The following MAGI1 variants were observed in gnomAD, a reference collection of about 807,000 sequenced individuals.
The protein encoded by MAGI1 is membrane-associated guanylate kinase, WW and PDZ domain-containing protein 1.
MAGI1 carries 58 observed loss-of-function variants against 139.9 expected under a neutral mutation model. The ratio of observed to expected loss-of-function variants is 0.41; its 90% confidence interval spans 0.34 to 0.52. MAGI1 has a LOEUF of 0.52. Among genes scored for constraint, MAGI1 ranks in the 20% least tolerant of loss-of-function variants. The probability of loss-of-function intolerance (pLI) is 0.12; values close to 1 mark genes in which losing one functional copy is unlikely to be tolerated. For missense variants in MAGI1, 1,874 were observed against 1,901.6 expected, an observed-to-expected ratio of 0.99 and a Z score of 0.27; for synonymous variants, 812 against 737.9, an observed-to-expected ratio of 1.10 and a Z score of -1.63.
chr3:65,516,216 T>C (rs2077869069), intron 2 of MAGI1, among the ~76,000 whole-genome samples: 1 of 152,040 alleles, frequency 6.6e-6, no homozygotes, highest in Admixed American at 6.5e-5. Flanking sequence ...AGTTTTGCTC[T>C]GTTGGCAGGC....
At chr3:65,485,393 A>T (rs1450731037) in intron 3 of MAGI1, among the ~76,000 whole-genome samples, 3 of 152,216 alleles carry the variant, frequency 2.0e-5, no homozygotes, top group Admixed American at 6.5e-5. Flanking sequence ...ACAGGAGAAC[A>T]TAAGAGTTTT....
intron 1 of MAGI1, among the ~76,000 whole-genome samples, chr3:65,861,101 G>C (rs1453668218): frequency 6.6e-6 from 1 of 152,068 alleles, no homozygotes; most frequent in Non-Finnish European, 1.5e-5. Context: ...TTGATCATGG[G>C]GCCAGGGACA....
At chr3:65,636,676 T>A (rs531013248) in intron 1 of MAGI1, among the ~76,000 whole-genome samples, 3 of 151,740 alleles carry the variant, frequency 2.0e-5, no homozygotes, top group East Asian at 3.9e-4. Flanking sequence ...GCTTTTTTTT[T>A]AAACTATGTT....
At chr3:65,362,949 C>T (rs762915723) in intron 21 of MAGI1, among the ~76,000 whole-genome samples, 5 of 152,192 alleles carry the variant, frequency 3.3e-5, no homozygotes, top group Admixed American at 6.5e-5. Flanking sequence ...TACAGAGCAA[C>T]TCTGAATATT....
At chr3:65,610,080 T>C (rs2082968461) in intron 2 of MAGI1, 1 of 75,720 alleles carries the variant, frequency 1.3e-5, no homozygotes, top group African/African-American at 4.8e-5. Context: ...TTTTTTTACC[T>C]ACTCCATGTT....
chr3:65,920,170 T>G (rs562318232), intron 1 of MAGI1, among the ~76,000 whole-genome samples: 1 of 152,296 alleles, frequency 6.6e-6, no homozygotes, highest in East Asian at 1.9e-4. Flanking sequence ...CCACACAGAA[T>G]CTGGCCAACT....
intron 1 of MAGI1, among the ~76,000 whole-genome samples, chr3:65,834,566 G>A (rs750341299): frequency 6.6e-6 from 1 of 152,206 alleles, no homozygotes; most frequent in Non-Finnish European, 1.5e-5. Context: ...TTGTTGGGTG[G>A]AAGGTCTATA....
chr3:65,776,438 T>C (rs892229066), intron 1 of MAGI1, among the ~76,000 whole-genome samples: 1 of 152,194 alleles, frequency 6.6e-6, no homozygotes, highest in African/African-American at 2.4e-5. Flanking sequence ...TTAAAAATGG[T>C]AACCCTTATT....
intron 2 of MAGI1, among the ~76,000 whole-genome samples, chr3:65,618,121 G>A (rs1278983424): frequency 6.6e-6 from 1 of 152,134 alleles, no homozygotes; most frequent in African/African-American, 2.4e-5. Flanking sequence ...GATAGGCAGC[G>A]AAATAGGAAA....
At chr3:65,987,054 T>C (rs566978124) in intron 1 of MAGI1, among the ~76,000 whole-genome samples, 1 of 152,120 alleles carries the variant, frequency 6.6e-6, no homozygotes, top group African/African-American at 2.4e-5. Context: ...ACATTTTTAG[T>C]AGAGACGGGG....
chr3:65,602,570 A>G (rs900367016), intron 2 of MAGI1, among the ~76,000 whole-genome samples: 1 of 152,150 alleles, frequency 6.6e-6, no homozygotes, highest in Admixed American at 6.5e-5. Flanking sequence ...CTATTAATGC[A>G]TATAGGGTTT....
At chr3:65,597,564 C>A in intron 2 of MAGI1, 1 of 423,970 alleles carries the variant, frequency 2.4e-6, no homozygotes, top group South Asian at 1.6e-5. Context: ...TAAAACGCAG[C>A]CGCAGCCATC....
chr3:65,415,998 T>C (rs2107235817), intron 12 of MAGI1, among the ~76,000 whole-genome samples: 1 of 152,244 alleles, frequency 6.6e-6, no homozygotes, highest in South Asian at 2.1e-4. Flanking sequence ...CATCTGCCAT[T>C]TTGGTAAGTG....
At chr3:65,574,584 C>A (rs563631284) in intron 2 of MAGI1, among the ~76,000 whole-genome samples, 2 of 151,792 alleles carry the variant, frequency 1.3e-5, no homozygotes, top group Non-Finnish European at 2.9e-5. Flanking sequence ...TCCTACCATA[C>A]GTTTTGTCAA....
At chr3:65,680,890 A>G (rs2087548801) in intron 1 of MAGI1, among the ~76,000 whole-genome samples, 1 of 152,234 alleles carries the variant, frequency 6.6e-6, no homozygotes. Context: ...AGTCGAGAAA[A>G]TATAGTGTGA....
At chr3:65,884,601 CT>C (rs899152217) in intron 1 of MAGI1, among the ~76,000 whole-genome samples, 8 of 151,046 alleles carry the variant, frequency 5.3e-5, no homozygotes, top group African/African-American at 1.2e-4. Flanking sequence ...TTTCTTTTTT[CT>C]TTTTTTTTAA....
intron 1 of MAGI1, among the ~76,000 whole-genome samples, chr3:66,029,039 T>G (rs982726367): frequency 2.0e-5 from 3 of 152,080 alleles, no homozygotes; most frequent in Non-Finnish European, 4.4e-5. Context: ...CCAACAACCC[T>G]AGAGAGTAGG....
intron 1 of MAGI1, among the ~76,000 whole-genome samples, chr3:65,778,195 C>T (rs2038626463): frequency 6.6e-6 from 1 of 152,050 alleles, no homozygotes; most frequent in African/African-American, 2.4e-5. Flanking sequence ...TTTGGGGGGC[C>T]AAGGCTGGCG....
At chr3:65,952,790 G>A (rs181557593) in intron 1 of MAGI1, among the ~76,000 whole-genome samples, 1 of 152,220 alleles carries the variant, frequency 6.6e-6, no homozygotes, top group East Asian at 1.9e-4. Context: ...CTCCAGCCTC[G>A]GCGACAGAGC....
Sources: allele counts gnomAD v4.1 joint callset (sites outside exome capture counted in the v4.1 genomes callset), GRCh38; gene constraint gnomAD v4.1.1; transcripts MANE v1.5; gene names NCBI Gene and HGNC (gene_info 2026-07-23, HGNC 2026-07-21).